CDH4: variants seen among roughly 807,000 people sequenced by gnomAD.
The protein encoded by CDH4 is cadherin 4.
Under a neutral mutation model 86.0 loss-of-function variants are expected in CDH4, and 33 were observed. The observed-to-expected ratio is 0.38, with a 90% CI of 0.29 to 0.51. CDH4 has a LOEUF of 0.51. CDH4 is among the 20% of genes least tolerant of loss of function. The probability of loss-of-function intolerance (pLI) is 0.86; values close to 1 mark genes in which losing one functional copy is unlikely to be tolerated. For missense variants in CDH4, 1,114 were observed against 1,307.4 expected, an observed-to-expected ratio of 0.85 and a Z score of 2.28; for synonymous variants, 555 against 549.4, an observed-to-expected ratio of 1.01 and a Z score of -0.14.
chr20:61,818,962 G>A (rs929431155), intron 4 of CDH4, among the ~76,000 whole-genome samples: 2 of 152,216 alleles, frequency 1.3e-5, no homozygotes, highest in Admixed American at 6.5e-5. Context: ...GGCCTGCAGG[G>A]GCTGCTTAGG....
At chr20:61,481,895 T>C (rs944311675) in intron 2 of CDH4, among the ~76,000 whole-genome samples, 7 of 152,230 alleles carry the variant, frequency 4.6e-5, no homozygotes, top group Non-Finnish European at 1.0e-4. Flanking sequence ...CCATAGCATA[T>C]GTTTTTCAGT....
intron 2 of CDH4, among the ~76,000 whole-genome samples, chr20:61,452,776 T>C (rs2085387775): frequency 6.6e-6 from 1 of 152,158 alleles, no homozygotes; most frequent in African/African-American, 2.4e-5. Context: ...ATTCAGACAG[T>C]AAAACCTTGA....
rs1166539686 is a variant in CDH4, at chr20:61,937,010, AGGC to A, written c.*71_*73del. ...ACGCCGGAGGAGCAGGACTGAGCAG[AGGC>A]GGCCGGTCTTCCCGACTCCCTGCGG... On this transcript the variant is annotated 3_prime_UTR_variant, in exon 16 of 16. Transcript: ENST00000614565. 2.2e-6 allele frequency: 3 copies of A among 1,388,136 alleles called. No homozygotes were observed. The highest frequency in any genetic ancestry group is 1.9e-6 in the Non-Finnish European group (2 of 1,030,664). The allele number at this position is 1,388,136 out of a possible 1,614,324, so 86.0% of individuals were successfully genotyped here. A position where few individuals can be genotyped will look rare whatever the true frequency, so the allele number is the denominator to read the frequency against.
intron 12 of CDH4, 136 bp from the exon 13 acceptor site, chr20:61,929,473 G>GT (rs982574817): frequency 6.6e-5 from 43 of 655,678 alleles, no homozygotes; most frequent in Non-Finnish European, 3.3e-5. Context: ...TAGCACAGGT[G>GT]TATGTATGTA....
At chr20:61,397,280 GT>G (rs2085022988) in intron 2 of CDH4, among the ~76,000 whole-genome samples, 1 of 152,160 alleles carries the variant, frequency 6.6e-6, no homozygotes, top group African/African-American at 2.4e-5. Context: ...TCTGGGTGAA[GT>G]TTCTTGCGAC....
At chr20:61,391,182 C>G (rs1271006032) in intron 2 of CDH4, among the ~76,000 whole-genome samples, 2 of 151,964 alleles carry the variant, frequency 1.3e-5, no homozygotes, top group African/African-American at 2.4e-5. Flanking sequence ...CAAGATGTGC[C>G]CACTCTGTGG....
intron 2 of CDH4, among the ~76,000 whole-genome samples, chr20:61,346,605 G>A (rs35471506): frequency 0.2 from 30,110 of 151,986 alleles, 2,981 homozygotes; most frequent in Middle Eastern, 0.35. Context: ...TTAGCTGGGC[G>A]TGGTGGCACG....
chr20:61,747,743 A>T lies in CDH4; in HGVS notation c.396+3954A>T, dbSNP rs555905289. ...AAAGCGTGAAGAGATACACAGAAGG[A>T]AAATACAGAAGCAACCGTAAGAGAT... On this transcript the variant is annotated intron_variant, in intron 3 of 15. Coordinates refer to ENST00000614565, the MANE Select transcript of CDH4 (RefSeq NM_001794.5). 7.1e-4 allele frequency among the ~76,000 whole-genome samples: 108 copies of T among 152,324 alleles called. 4 individuals carry two copies. In the South Asian group the frequency reaches 0.021, roughly 29 times the overall value.
intron 2 of CDH4, among the ~76,000 whole-genome samples, chr20:61,659,282 CATT>C (rs2087226245): frequency 1.3e-5 from 2 of 151,554 alleles, no homozygotes; most frequent in Non-Finnish European, 1.5e-5. Context: ...ACCACTAAAA[CATT>C]ATGAAAAGAA....
intron 2 of CDH4, among the ~76,000 whole-genome samples, chr20:61,459,945 C>T (rs1451589969): frequency 6.6e-6 from 1 of 151,988 alleles, no homozygotes; most frequent in Non-Finnish European, 1.5e-5. Context: ...AAGCTGACCC[C>T]AGGGCCGCAG....
chr20:61,351,727 T>G lies in CDH4; in HGVS notation c.169+96790T>G, dbSNP rs1335642166. On this transcript the variant is annotated intron_variant, in intron 2 of 15. Transcript: ENST00000614565. The stretch of plus-strand genomic sequence containing the variant: ...AGTTATTTTTATTTTTATTTATCTT[T>G]TTTTTTTTTGAGACAGTCTCACTCT... Among the ~76,000 whole-genome samples, 9 of 150,386 alleles carry G rather than the reference T, an allele frequency of 6.0e-5. 1 individual carries two copies. The highest frequency in any genetic ancestry group is 3.2e-3 in the Middle Eastern group (1 of 312).
At chr20:61,373,156 T>C (rs1402978137) in intron 2 of CDH4, among the ~76,000 whole-genome samples, 2 of 152,210 alleles carry the variant, frequency 1.3e-5, no homozygotes, top group African/African-American at 4.8e-5. Flanking sequence ...ACGTCCTCTG[T>C]GTGGCCGACA....
intron 9 of CDH4, among the ~76,000 whole-genome samples, chr20:61,922,583 G>C (rs1451637363): frequency 6.6e-6 from 1 of 152,232 alleles, no homozygotes; most frequent in African/African-American, 2.4e-5. Context: ...CTGCGAGTCA[G>C]AGACATAAAA....
chr20:61,557,230 A>G (rs1174957985), intron 2 of CDH4, among the ~76,000 whole-genome samples: 1 of 152,222 alleles, frequency 6.6e-6, no homozygotes, highest in Non-Finnish European at 1.5e-5. Flanking sequence ...CATCATCACC[A>G]TGCAGCCTGT....
chr20:61,342,508 T>C (rs1390088447), intron 2 of CDH4, among the ~76,000 whole-genome samples: 2 of 152,204 alleles, frequency 1.3e-5, no homozygotes, highest in East Asian at 3.9e-4. Context: ...AATCTAATGC[T>C]GCCACTGATC....
chr20:61,452,162 A>G (rs758506907), intron 2 of CDH4, among the ~76,000 whole-genome samples: 10 of 152,138 alleles, frequency 6.6e-5, no homozygotes, highest in East Asian at 1.9e-4. Context: ...AGGTTGTAAT[A>G]AAGCAATAGC....
chr20:61,869,121 C>T lies in CDH4; in HGVS notation c.878-4607C>T, dbSNP rs369664453. ...ATTTTGATGGTAAAACATTATTTTC[C>T]TTTCATGAAACATTTGAGCTAGATG... is the stretch of plus-strand genomic sequence containing the variant. On this transcript the variant is annotated intron_variant, in intron 6 of 15. Coordinates refer to ENST00000614565, the MANE Select transcript of CDH4 (RefSeq NM_001794.5). Among the ~76,000 whole-genome samples the T allele has an allele frequency of 1.2e-4, 19 of 152,342 alleles. 1 individual carries two copies. In the South Asian group the frequency reaches 3.9e-3, roughly 32 times the overall value.
intron 4 of CDH4, among the ~76,000 whole-genome samples, chr20:61,839,294 G>A (rs924788907): frequency 1.3e-5 from 2 of 151,982 alleles, no homozygotes; most frequent in African/African-American, 4.8e-5. Context: ...ATGGGGGAGT[G>A]TGTGTGTGTA....
intron 2 of CDH4, among the ~76,000 whole-genome samples, chr20:61,411,964 C>T (rs954284485): frequency 1.2e-4 from 18 of 152,206 alleles, no homozygotes; most frequent in African/African-American, 4.3e-4. Context: ...ACTGTGGGCA[C>T]TGGTCATGCA....
Sources: allele counts gnomAD v4.1 joint callset (sites outside exome capture counted in the v4.1 genomes callset), GRCh38; gene constraint gnomAD v4.1.1; transcripts MANE v1.5; gene names NCBI Gene and HGNC (gene_info 2026-07-23, HGNC 2026-07-21).